The following PPP2R2B variants were observed in gnomAD, a reference collection of about 807,000 sequenced individuals.
The protein encoded by PPP2R2B is serine/threonine-protein phosphatase 2A 55 kDa regulatory subunit B beta isoform.
A neutral mutation model predicts 46.0 loss-of-function variants in PPP2R2B; 5 were observed. The observed-to-expected ratio is 0.11, with a 90% CI of 0.06 to 0.23. The LOEUF is 0.23. Ranked by LOEUF, PPP2R2B falls within the 10% of genes least tolerant of loss-of-function variation. The pLI is 1.00. For missense variants in PPP2R2B, 367 were observed against 575.0 expected (o/e 0.64, Z 3.70); for synonymous variants, 215 against 206.7 (o/e 1.04, Z -0.34).
At chr5:147,022,420 G>A (rs1003251732) in intron 1 of PPP2R2B, among the ~76,000 whole-genome samples, 1 of 151,748 alleles carries the variant, frequency 6.6e-6, no homozygotes, top group African/African-American at 2.4e-5. Context: ...AAATTGTTGG[G>A]TGTGGTAGCA....
intron 2 of PPP2R2B, among the ~76,000 whole-genome samples, chr5:146,789,815 G>A (rs1756077285): frequency 6.6e-6 from 1 of 152,118 alleles, no homozygotes; most frequent in Non-Finnish European, 1.5e-5. Flanking sequence ...ATAAAAAGAG[G>A]CCAGACATAA....
At chr5:147,005,907 G>T (rs1370148956) in intron 1 of PPP2R2B, among the ~76,000 whole-genome samples, 1 of 152,096 alleles carries the variant, frequency 6.6e-6, no homozygotes, top group Non-Finnish European at 1.5e-5. Context: ...GATAATTGAG[G>T]GTCTTCTCTG....
rs1763777756 is a variant in PPP2R2B, at chr5:146,926,212, G to A, written c.79+129453C>T. ...TTTTTCTTAAAAATGGGACATTTAA[G>A]ATAACACATTGCAACGACTCTGAAT... On this transcript the variant is annotated intron_variant, in intron 1 of 8. Transcript: ENST00000336640. Among the ~76,000 whole-genome samples, 3 of 151,672 alleles carry A rather than the reference G, an allele frequency of 2.0e-5. No homozygotes were observed. In the South Asian group the frequency reaches 6.3e-4, roughly 32 times the overall value.
chr5:146,978,635 C>T (rs1338312795), intron 1 of PPP2R2B, among the ~76,000 whole-genome samples: 1 of 152,026 alleles, frequency 6.6e-6, no homozygotes, highest in Admixed American at 6.6e-5. Flanking sequence ...GAATCCTTTC[C>T]CCATTTCTTG....
chr5:146,849,399 T>C (rs1265533069), intron 2 of PPP2R2B, among the ~76,000 whole-genome samples: 1 of 152,194 alleles, frequency 6.6e-6, no homozygotes, highest in Non-Finnish European at 1.5e-5. Flanking sequence ...TATCTGTAAA[T>C]TCTCACTCCA....
chr5:146,643,106 T>A (rs1011370225), intron 6 of PPP2R2B, among the ~76,000 whole-genome samples: 27 of 152,128 alleles, frequency 1.8e-4, no homozygotes, highest in Non-Finnish European at 3.5e-4. Flanking sequence ...TGATGTGTAC[T>A]ATTTTGGGTA....
chr5:146,745,160 C>CAGAGAGAGAGAGAGAGAGAGAG (rs747573157), intron 2 of PPP2R2B, among the ~76,000 whole-genome samples: 11 of 95,040 alleles, frequency 1.2e-4, no homozygotes, highest in East Asian at 7.0e-4. Flanking sequence ...CAGAGAAAGA[C>CAGAGAGAGAGAGAGAGAGAGAG]AGAGAGAGAG....
At position 146,614,989 on chromosome 5, in the gene PPP2R2B, A is replaced by G. The variant is rs1266232297; in HGVS notation, c.791-14529T>C. ...ACTAGAAATCCCATTTGACCCAGCC[A>G]TCCCATTACTGGGTATATACCCAAA... On this transcript the variant is annotated intron_variant, in intron 7 of 9. Transcript: ENST00000394411. Among the ~76,000 whole-genome samples, 5 of 124,294 alleles carry G rather than the reference A, an allele frequency of 4.0e-5. 2 individuals are homozygous for G. The South Asian group carries it at 1.4e-3, about 34-fold the overall frequency. The allele number at this position is 124,294 out of a possible 152,430, so 81.5% of individuals were successfully genotyped here.
intron 2 of PPP2R2B, among the ~76,000 whole-genome samples, chr5:146,822,535 GT>G (rs368081191): frequency 0.036 from 4,568 of 125,178 alleles, 37 homozygotes; most frequent in African/African-American, 0.057. Context: ...TTCATTTTTG[GT>G]TTTTTTTTTT....
intron 2 of PPP2R2B, among the ~76,000 whole-genome samples, chr5:146,715,885 G>T (rs923405411): frequency 6.6e-6 from 1 of 152,080 alleles, no homozygotes; most frequent in African/African-American, 2.4e-5. Context: ...TAACACAGCA[G>T]AGTGTATCTT....
chr5:146,808,249 GT>G (rs1757309252), intron 2 of PPP2R2B, among the ~76,000 whole-genome samples: 1 of 152,128 alleles, frequency 6.6e-6, no homozygotes. Flanking sequence ...TAAAAACTCA[GT>G]TTCTTATTTG....
intron 2 of PPP2R2B, among the ~76,000 whole-genome samples, chr5:146,781,162 ATATATATATAT>A (rs1561901608): frequency 8.4e-6 from 1 of 119,200 alleles, no homozygotes; most frequent in Non-Finnish European, 1.7e-5. Flanking sequence ...ATATATATAT[ATATATATATAT>A]ATAAAATTAT....
intron 5 of PPP2R2B, among the ~76,000 whole-genome samples, chr5:146,675,576 A>C (rs1777656060): frequency 6.6e-6 from 1 of 152,222 alleles, no homozygotes; most frequent in Non-Finnish European, 1.5e-5. Context: ...TGCAATATTA[A>C]GCATGCTCCC....
upstream of PPP2R2B, among the ~76,000 whole-genome samples, chr5:147,057,886 A>G (rs1271028599): frequency 6.6e-6 from 1 of 152,202 alleles, no homozygotes; most frequent in Admixed American, 6.5e-5. Context: ...ATAGAGTCTT[A>G]AACGACACTG....
chr5:146,892,607 T>C (rs1189381438), intron 1 of PPP2R2B, among the ~76,000 whole-genome samples: 2 of 152,204 alleles, frequency 1.3e-5, no homozygotes, highest in African/African-American at 2.4e-5. Flanking sequence ...TAAGTCAGTA[T>C]GATCTTTCTA....
At chr5:146,763,186 T>C (rs546488196) in intron 2 of PPP2R2B, among the ~76,000 whole-genome samples, 1 of 152,302 alleles carries the variant, frequency 6.6e-6, no homozygotes, top group South Asian at 2.1e-4. Flanking sequence ...TCCAAAGTGC[T>C]TTTGCTCCAC....
chr5:146,847,289 C>A (rs528072928), intron 2 of PPP2R2B, among the ~76,000 whole-genome samples: 1 of 152,304 alleles, frequency 6.6e-6, no homozygotes, highest in South Asian at 2.1e-4. Flanking sequence ...GCCTTTAATT[C>A]CTGACATAAT....
At chr5:147,041,319 C>T (rs1011330929) in intron 1 of PPP2R2B, among the ~76,000 whole-genome samples, 5 of 152,322 alleles carry the variant, frequency 3.3e-5, no homozygotes, top group African/African-American at 1.2e-4. Flanking sequence ...GCTCTGTTCA[C>T]AGGCAAGGGA....
At chr5:147,064,946 G>A (rs1580876192) in intron 2 of PPP2R2B, among the ~76,000 whole-genome samples, 1 of 152,298 alleles carries the variant, frequency 6.6e-6, no homozygotes, top group Middle Eastern at 3.4e-3. Context: ...TTTTCTTGCT[G>A]ATTGGAAAGC....
Sources: allele counts gnomAD v4.1 joint callset (sites outside exome capture counted in the v4.1 genomes callset), GRCh38; gene constraint gnomAD v4.1.1; transcripts MANE v1.5; gene names NCBI Gene and HGNC (gene_info 2026-07-23, HGNC 2026-07-21).